Variants in GNG7 observed in about 807,000 individuals in gnomAD.
GNG7 encodes G protein subunit gamma 7, also known as guanine nucleotide-binding protein G(I)/G(S)/G(O) subunit gamma-7.
Under a neutral mutation model 4.0 loss-of-function variants are expected in GNG7, and 1 was observed. The observed-to-expected ratio is 0.25, with a 90% CI of 0.09 to 1.18. The LOEUF is 1.18. Among genes scored for constraint, GNG7 ranks in the 50% most tolerant of loss-of-function variants. The pLI is 0.50. For synonymous variants in GNG7, 34 were observed against 36.9 expected (o/e 0.92, Z 0.29); for missense variants, 86 against 91.9 (o/e 0.94, Z 0.26).
chr19:2,683,853 G>A (rs1983804793), intron 1 of GNG7, among the ~76,000 whole-genome samples: 1 of 152,196 alleles, frequency 6.6e-6, no homozygotes, highest in African/African-American at 2.4e-5. Context: ...AGGTACCCGT[G>A]CAGAAACAAG....
rs781155416 is a variant in GNG7 at position 2,609,380 on chromosome 19, G to A, written c.-78+36844C>T. On this transcript the variant is annotated intron_variant, in intron 2 of 4. Transcript: ENST00000382159. This position sits in a 1 kb window ranked among gnomAD's most constrained non-coding sequence, Gnocchi z 4.4. Reference sequence around the variant, plus strand: ...ATCTTGGTCGCTGAGGTTTTTTAGCGCCCCCTTCAATTTTGTGCCCAGTGT... The same window carrying A: ...ATCTTGGTCGCTGAGGTTTTTTAGCACCCCCTTCAATTTTGTGCCCAGTGT... Among the ~76,000 whole-genome samples, 6 of 151,950 alleles carry A rather than the reference G, an allele frequency of 3.9e-5. No homozygotes were observed. Among genetic ancestry groups the A allele is most frequent in the Admixed American group, 1.3e-4 (2 of 15,242 alleles).
At chr19:2,518,187 G>A (rs1978292350) in intron 4 of GNG7, among the ~76,000 whole-genome samples, 1 of 152,158 alleles carries the variant, frequency 6.6e-6, no homozygotes, top group African/African-American at 2.4e-5. Context: ...CCGCGTTGGA[G>A]CTGGGGATGT....
intron 3 of GNG7, among the ~76,000 whole-genome samples, chr19:2,541,187 C>G (rs1978950978): frequency 1.3e-5 from 2 of 152,156 alleles, no homozygotes; most frequent in Admixed American, 6.6e-5. Flanking sequence ...AGAGGCTGAT[C>G]AGGTTGGGTG....
chr19:2,679,239 T>TA (rs1267826633), intron 1 of GNG7, among the ~76,000 whole-genome samples: 2 of 152,152 alleles, frequency 1.3e-5, no homozygotes, highest in Non-Finnish European at 2.9e-5. Context: ...TTTGTAGAGA[T>TA]AGAGTCTCAC....
rs1350710111 is a variant in GNG7 at position 2,626,855 on chromosome 19, A to G, written c.-78+19369T>C. Among the ~76,000 whole-genome samples, 1 of 151,718 alleles carries G rather than the reference A, an allele frequency of 6.6e-6. No homozygotes were observed. Among genetic ancestry groups the G allele is most frequent in the African/African-American group, 2.4e-5 (1 of 41,264 alleles). On this transcript the variant is annotated intron_variant, in intron 2 of 4. Transcript: ENST00000382159. This position sits in a 1 kb window ranked among gnomAD's most constrained non-coding sequence, Gnocchi z 5.0. The stretch of plus-strand genomic sequence containing the variant: ...GTGGAGGCCAGGGATGCTGCTCAGC[A>G]CCCTGCAGTGCCCAGGACGGCCTCA...
At chr19:2,656,272 G>A (rs1982970998) in intron 1 of GNG7, among the ~76,000 whole-genome samples, 1 of 152,134 alleles carries the variant, frequency 6.6e-6, no homozygotes, top group African/African-American at 2.4e-5. Flanking sequence ...GCCGAGATAG[G>A]AAACCAACCT....
intron 2 of GNG7, among the ~76,000 whole-genome samples, chr19:2,625,494 G>A (rs149258218): frequency 3.3e-5 from 5 of 152,198 alleles, no homozygotes; most frequent in South Asian, 2.1e-4. Flanking sequence ...GATTACAGGC[G>A]TGAGCCACTG....
rs143927416 is a variant in GNG7, at chr19:2,590,687, A to G, written c.-77-35499T>C. ...CATTCATTCATCCATCCACCCATCCATTCATCCATCCATCCATCCACCCAT... is the reference window on the plus strand; with the variant it reads ...CATTCATTCATCCATCCACCCATCCGTTCATCCATCCATCCATCCACCCAT... On this transcript the variant is annotated intron_variant, in intron 2 of 4. Transcript: ENST00000382159. Among the ~76,000 whole-genome samples, 102 of 147,666 alleles carry G rather than the reference A, an allele frequency of 6.9e-4. No homozygotes were observed. In the East Asian group the frequency reaches 0.02, roughly 29 times the overall value.
intron 2 of GNG7, among the ~76,000 whole-genome samples, chr19:2,603,300 C>T (rs1385144730): frequency 6.6e-6 from 1 of 152,168 alleles, no homozygotes; most frequent in Non-Finnish European, 1.5e-5. Context: ...CTCCTGACCT[C>T]GTGATCCACC....
rs990674471 is a variant in GNG7 at position 2,553,819 on chromosome 19, C to T, written c.-38+1330G>A. 7.0e-3 allele frequency among the ~76,000 whole-genome samples: 670 copies of T among 95,146 alleles called. 5 individuals carry two copies. Among genetic ancestry groups the T allele is most frequent in the African/African-American group, 0.023 (624 of 26,694 alleles). The allele number at this position is 95,146 out of a possible 152,430, so 62.4% of individuals were successfully genotyped here. On this transcript the variant is annotated intron_variant, in intron 3 of 4. Transcript: ENST00000382159. ...CGTATCATGTGTAATATATCACATA[C>T]ATGTACATATTATATGTAATATTGC...
intron 2 of GNG7, among the ~76,000 whole-genome samples, chr19:2,581,954 A>G (rs2144791809): frequency 6.6e-6 from 1 of 152,328 alleles, no homozygotes; most frequent in South Asian, 2.1e-4. Context: ...CCAGGGTGCC[A>G]GCATCATCCT....
At chr19:2,586,607 T>G (rs1980680070) in intron 2 of GNG7, among the ~76,000 whole-genome samples, 1 of 151,980 alleles carries the variant, frequency 6.6e-6, no homozygotes, top group Admixed American at 6.6e-5. Context: ...AGGGCTCAAA[T>G]GAAAAAGAAG....
chr19:2,603,980 A>C (rs895694074), intron 2 of GNG7, among the ~76,000 whole-genome samples: 10 of 151,992 alleles, frequency 6.6e-5, no homozygotes, highest in African/African-American at 1.2e-4. Flanking sequence ...CCTCCTGAGT[A>C]GCTGGGACTA....
chr19:2,666,015 G>A (rs950782175), intron 1 of GNG7, among the ~76,000 whole-genome samples: 13 of 151,840 alleles, frequency 8.6e-5, no homozygotes, highest in African/African-American at 2.4e-4. Flanking sequence ...AGAGGCGCCC[G>A]CCACCACGCC....
At chr19:2,553,574 A>G (rs1231290278) in intron 3 of GNG7, among the ~76,000 whole-genome samples, 2 of 149,390 alleles carry the variant, frequency 1.3e-5, no homozygotes, top group African/African-American at 4.9e-5. Context: ...GTAATAAATC[A>G]TATCACATAC....
chr19:2,675,747 G>C (rs1806721826), intron 1 of GNG7, among the ~76,000 whole-genome samples: 1 of 152,212 alleles, frequency 6.6e-6, no homozygotes. Flanking sequence ...GGGAGCTCCT[G>C]GTATGGAGTG....
intron 1 of GNG7, among the ~76,000 whole-genome samples, chr19:2,676,378 G>GC (rs1020794176): frequency 1.3e-5 from 2 of 152,072 alleles, no homozygotes; most frequent in Non-Finnish European, 2.9e-5. Context: ...AACATGCACA[G>GC]CCCCCAAGGC....
intron 2 of GNG7, among the ~76,000 whole-genome samples, chr19:2,615,942 G>C (rs1471850768): frequency 6.6e-6 from 1 of 152,212 alleles, no homozygotes; most frequent in Non-Finnish European, 1.5e-5. Context: ...GGCGCCTCCT[G>C]TCCCCTTCAA....
chr19:2,526,031 C>T lies in GNG7; in HGVS notation c.-37-5306G>A, dbSNP rs181763104. On this transcript the variant is annotated intron_variant, in intron 3 of 4. Coordinates refer to ENST00000382159, the MANE Select transcript of GNG7 (RefSeq NM_052847.3). ...TGTCTCCGAGGCTGGAGTGCAGTGG[C>T]GCGATCTTGGCTCACTGCAACCTCC... is the stretch of plus-strand genomic sequence containing the variant. Among the ~76,000 whole-genome samples, 19 of 138,204 alleles carry T rather than the reference C, an allele frequency of 1.4e-4. No homozygotes were observed. In the East Asian group the frequency reaches 3.4e-3, roughly 25 times the overall value. The allele number at this position is 138,204 out of a possible 152,430, so 90.7% of individuals were successfully genotyped here. A position where few individuals can be genotyped will look rare whatever the true frequency, so the allele number is the denominator to read the frequency against.
Sources: allele counts gnomAD v4.1 joint callset (sites outside exome capture counted in the v4.1 genomes callset), GRCh38; gene constraint gnomAD v4.1.1; non-coding constraint Gnocchi (gnomAD v3.1); transcripts MANE v1.5; gene names NCBI Gene and HGNC (gene_info 2026-07-23, HGNC 2026-07-21).